The following MGA variants were observed in gnomAD, a reference collection of about 807,000 sequenced individuals.
MGA encodes the protein MAX dimerization protein MGA.
MGA carries 40 observed loss-of-function variants against 261.1 expected under a neutral mutation model. That is an observed-to-expected ratio of 0.15 (90% CI 0.12 to 0.20). MGA has a LOEUF of 0.20. Ranked by LOEUF, MGA falls within the 10% of genes least tolerant of loss-of-function variation. MGA has a pLI of 1.00. For missense variants in MGA, 3,397 were observed against 3,630.5 expected, an observed-to-expected ratio of 0.94 and a Z score of 1.65; for synonymous variants, 1,302 against 1,290.6, an observed-to-expected ratio of 1.01 and a Z score of -0.19.
intron 15 of MGA, among the ~76,000 whole-genome samples, chr15:41,746,455 G>A (rs1161790402): frequency 7.0e-6 from 1 of 143,416 alleles, no homozygotes; most frequent in Non-Finnish European, 1.5e-5. Flanking sequence ...TGAGGCAGGA[G>A]AATCGCTTGA....
At chr15:41,756,831 C>T (rs999322126) in intron 18 of MGA, among the ~76,000 whole-genome samples, 1 of 152,148 alleles carries the variant, frequency 6.6e-6, no homozygotes, top group Non-Finnish European at 1.5e-5. Context: ...TGGCCTCAAC[C>T]AGTCCTCGTG....
chr15:41,727,470 C>A, intron 10 of MGA, 64 bp downstream of exon 10: 1 of 1,454,346 alleles, frequency 6.9e-7, no homozygotes, highest in Non-Finnish European at 9.4e-7. Context: ...TGGTGTGTTT[C>A]AAGCAGATTT....
chr15:41,718,804 A>C (rs538386477), intron 9 of MGA: 1 of 154,904 alleles, frequency 6.5e-6, no homozygotes, highest in East Asian at 1.8e-4. Flanking sequence ...ATTACAATTG[A>C]CATATTAATG....
intron 2 of MGA, among the ~76,000 whole-genome samples, chr15:41,682,525 G>A (rs1595700589): frequency 6.6e-6 from 1 of 152,068 alleles, no homozygotes; most frequent in East Asian, 1.9e-4. Context: ...CTGTCACCCA[G>A]GCTGGAGTGC....
At chr15:41,763,130 T>G (rs1473222092) in intron 22 of MGA, among the ~76,000 whole-genome samples, 1 of 140,350 alleles carries the variant, frequency 7.1e-6, no homozygotes, top group Non-Finnish European at 1.5e-5. Context: ...GACAGAGTCT[T>G]GCTCTGTTGC....
chr15:41,750,748 A>G (rs1423024776), intron 17 of MGA, 133 bp downstream of exon 17: 1 of 781,842 alleles, frequency 1.3e-6, no homozygotes, highest in Admixed American at 2.9e-5. Flanking sequence ...TATGACTTAA[A>G]TGGCTTAGTA....
intron 9 of MGA, among the ~76,000 whole-genome samples, chr15:41,715,137 C>CTTTTTTTTTTTTTT (rs766195852): frequency 8.0e-6 from 1 of 124,556 alleles, no homozygotes; most frequent in South Asian, 2.7e-4. Context: ...TGGTTTCTGT[C>CTTTTTTTTTTTTTT]TTTTTTTTTT....
chr15:41,707,931 A>G, intron 6 of MGA, 72 bp downstream of exon 6: 1 of 1,537,422 alleles, frequency 6.5e-7, no homozygotes, highest in Non-Finnish European at 8.8e-7. Context: ...CGTAAGTAAA[A>G]AGCTACCTTT....
At chr15:41,738,659 A>G (rs1031928063) in intron 13 of MGA, among the ~76,000 whole-genome samples, 25 of 152,210 alleles carry the variant, frequency 1.6e-4, no homozygotes, top group African/African-American at 6.0e-4. Flanking sequence ...CAAAGCCACC[A>G]TAGAATGTGT....
chr15:41,732,624 G>GT (rs2061568889), intron 11 of MGA, among the ~76,000 whole-genome samples: 1 of 152,176 alleles, frequency 6.6e-6, no homozygotes, highest in African/African-American at 2.4e-5. Flanking sequence ...CCATTTAAAT[G>GT]TGCTGTTTAT....
Position 41,754,572 on chromosome 15 carries a change from G to A in MGA, c.7139+5G>A, listed in dbSNP as rs1365560547. ...CACACAGTCATTCAAACAGCCGTAA[G>A]TCTTATTTCTCTTTGGATTGTTGTT... On this transcript the variant is annotated splice_donor_5th_base_variant and intron_variant, in intron 18 of 23. Transcript: ENST00000219905. 4.5e-6 allele frequency: 7 copies of A among 1,562,146 alleles called. No individual in the cohort carries two copies. In the Admixed American group the frequency reaches 8.2e-5, roughly 18 times the overall value.
intron 17 of MGA, 33 bp downstream of exon 17, chr15:41,750,648 T>C: frequency 6.5e-7 from 1 of 1,534,960 alleles, no homozygotes; most frequent in Non-Finnish European, 8.8e-7. Context: ...GACTGAAACC[T>C]AAAGGATTTA....
chr15:41,754,481 C>T lies in MGA; in HGVS notation c.7053C>T (p.Asp2351=), dbSNP rs373149350. 7.4e-5 allele frequency: 116 copies of T among 1,563,746 alleles called. No individual in the cohort carries two copies. Among genetic ancestry groups the T allele is most frequent in the Non-Finnish European group, 9.9e-5 (114 of 1,152,534 alleles). ...TTGAGGATGATGAGGAGCACGTGGA[C>T]ATTGAGACTGTAGAAGAGCTCTCAG... Residue 2351 remains aspartate (D), a synonymous_variant, in exon 18 of 24, where the codon GAC becomes GAT. Coordinates refer to ENST00000219905, the MANE Select transcript of MGA (RefSeq NM_001164273.2).
intron 1 of MGA, among the ~76,000 whole-genome samples, chr15:41,628,554 G>A (rs1220475668): frequency 6.6e-6 from 1 of 151,990 alleles, no homozygotes; most frequent in Admixed American, 6.6e-5. Context: ...GAAGTGGTGG[G>A]AATAGTAATG....
upstream of MGA, among the ~76,000 whole-genome samples, chr15:41,656,377 T>TCA (rs1243345715): frequency 0.011 from 765 of 68,166 alleles, 46 homozygotes; most frequent in East Asian, 0.049. Flanking sequence ...TCTCTCTCTC[T>TCA]CACACCCAGG....
At chr15:41,761,944 T>A in intron 21 of MGA, 94 bp downstream of exon 21, 1 of 1,118,266 alleles carries the variant, frequency 8.9e-7, no homozygotes, top group Non-Finnish European at 1.3e-6. Flanking sequence ...AATTGAAAGC[T>A]TGGCTCCCAC....
intron 20 of MGA, among the ~76,000 whole-genome samples, chr15:41,761,048 G>C (rs569109201): frequency 6.6e-6 from 1 of 152,234 alleles, no homozygotes; most frequent in Non-Finnish European, 1.5e-5. Context: ...TGGGATTACT[G>C]GCATGAGCCA....
intron 1 of MGA, among the ~76,000 whole-genome samples, chr15:41,631,323 A>G (rs1279950994): frequency 6.6e-6 from 1 of 152,206 alleles, no homozygotes; most frequent in Non-Finnish European, 1.5e-5. Context: ...GATAAAAGCC[A>G]TATATAAGAA....
intron 2 of MGA, among the ~76,000 whole-genome samples, chr15:41,694,320 G>A (rs12914298): frequency 9.2e-5 from 14 of 151,906 alleles, no homozygotes; most frequent in Non-Finnish European, 1.5e-4. Context: ...GGAGGCCAAG[G>A]CAGGAGAATT....
Sources: allele counts gnomAD v4.1 joint callset (sites outside exome capture counted in the v4.1 genomes callset), GRCh38; gene constraint gnomAD v4.1.1; transcripts MANE v1.5; gene names NCBI Gene and HGNC (gene_info 2026-07-23, HGNC 2026-07-21).